DMD: variants seen among roughly 807,000 people sequenced by gnomAD.
DMD encodes dystrophin, also known as mutant dystrophin.
Under a neutral mutation model 330.1 loss-of-function variants are expected in DMD, and 63 were observed. That is an observed-to-expected ratio of 0.19 (90% CI 0.16 to 0.24). The LOEUF is 0.24. Among genes scored for constraint, DMD ranks in the 10% least tolerant of loss-of-function variants. The pLI, the probability that DMD is intolerant of heterozygous loss-of-function variation, is 1.00. For synonymous variants in DMD, 1,223 were observed against 959.8 expected (o/e 1.27, Z -5.07); for missense variants, 3,344 against 2,684.1 (o/e 1.25, Z -5.43).
At position 32,274,968 on chromosome X, in the gene DMD, A is replaced by T. The variant is rs148629530; in HGVS notation, c.6290+12561T>A. Among the ~76,000 whole-genome samples the T allele has an allele frequency of 3.3e-3, 372 of 111,909 alleles. 7 individuals carry two copies. The East Asian group carries it at 0.06, about 18-fold the overall frequency. On this transcript the variant is annotated intron_variant, in intron 43 of 78. Transcript: ENST00000357033. Reference sequence around the variant, plus strand: ...TTCCATGTAATTGGCATCAATAGTCAAATCACACAATTCATTTTGGGTTGC... The same window carrying T: ...TTCCATGTAATTGGCATCAATAGTCTAATCACACAATTCATTTTGGGTTGC...
intron 1 of DMD, among the ~76,000 whole-genome samples, chrX:33,220,757 A>G (rs1328809658): frequency 9.0e-6 from 1 of 111,296 alleles, no homozygotes; most frequent in Non-Finnish European, 1.9e-5. Context: ...CTTTGTTTAA[A>G]TTTACTTTAT....
chrX:32,875,702 C>T (rs2083322199), intron 2 of DMD, among the ~76,000 whole-genome samples: 1 of 111,493 alleles, frequency 9.0e-6, no homozygotes, highest in African/African-American at 3.3e-5. Flanking sequence ...TTTCTCAGAC[C>T]CCAAGTAAAT....
chrX:32,553,443 A>G lies in DMD; in HGVS notation c.1993-8109T>C, dbSNP rs770114566. ...GGGTAAGAGGAGGGTGAGGATTAAA[A>G]AAACTACTTATTGGGTACTATGCTT... On this transcript the variant is annotated intron_variant, in intron 16 of 78. Transcript: ENST00000357033. Among the ~76,000 whole-genome samples, 156 of 107,096 alleles carry G rather than the reference A, an allele frequency of 1.5e-3. 2 individuals are homozygous for G. Among genetic ancestry groups the G allele is most frequent in the African/African-American group, 5.2e-3 (144 of 27,632 alleles). The allele number at this position is 107,096 out of a possible 115,157, so 93.0% of individuals were successfully genotyped here.
intron 45 of DMD, among the ~76,000 whole-genome samples, chrX:31,965,117 C>T (rs2095340204): frequency 9.0e-6 from 1 of 111,351 alleles, no homozygotes; most frequent in African/African-American, 3.3e-5. Context: ...GTCAGCAATC[C>T]ATTGCTTGAA....
chrX:31,644,881 C>T (rs925312118), intron 54 of DMD, among the ~76,000 whole-genome samples: 2 of 111,754 alleles, frequency 1.8e-5, no homozygotes, highest in Non-Finnish European at 3.8e-5. Context: ...GGGGTTTACT[C>T]ACACACACCA....
chrX:32,949,387 TAGATAGAC>T (rs1397200768), intron 2 of DMD, among the ~76,000 whole-genome samples: 70 of 86,707 alleles, frequency 8.1e-4, no homozygotes, highest in Middle Eastern at 5.9e-3. Context: ...GATAGATAGA[TAGATAGAC>T]AGACAGACAG....
rs1423274422 is a variant in DMD at position 32,362,933 on chromosome X, A to G, written c.5180T>C (p.Ile1727Thr). 2.5e-6 allele frequency: 3 copies of G among 1,208,860 alleles called. No individual in the cohort carries two copies. The highest frequency in any genetic ancestry group is 3.4e-6 in the Non-Finnish European group (3 of 894,904). ...LKRLKAELND[I>T]RPKVDSTRDQ... ...ACGTGTAGAGTCCACCTTTGGGCGT[A>G]TGTCATTCAGTTCTGCCTTTAAACG... The change falls in exon 37 of 79, where the codon ATA (isoleucine) becomes ACA (threonine). Residue 1727 changes from isoleucine to threonine, a missense_variant. Coordinates refer to ENST00000357033, the MANE Select transcript of DMD (RefSeq NM_004006.3).
At chrX:32,315,573 T>G (rs1243245322) in intron 41 of DMD, among the ~76,000 whole-genome samples, 1 of 110,547 alleles carries the variant, frequency 9.0e-6, no homozygotes, top group Non-Finnish European at 1.9e-5. Flanking sequence ...TAGATTCACT[T>G]AGAAAATAAT....
intron 16 of DMD, among the ~76,000 whole-genome samples, chrX:32,556,441 T>C (rs1418063446): frequency 9.0e-6 from 1 of 111,485 alleles, no homozygotes; most frequent in Non-Finnish European, 1.9e-5. Flanking sequence ...AAAAACCATT[T>C]AAGCCAGCAA....
chrX:32,926,812 T>C (rs766258195), intron 2 of DMD, among the ~76,000 whole-genome samples: 8 of 109,177 alleles, frequency 7.3e-5, no homozygotes, highest in Non-Finnish European at 1.5e-4. Context: ...GTAATAAATA[T>C]GTTAATTAGC....
At chrX:32,695,515 G>GA (rs748305145) in intron 9 of DMD, among the ~76,000 whole-genome samples, 6 of 110,866 alleles carry the variant, frequency 5.4e-5, no homozygotes, top group African/African-American at 2.0e-4. Context: ...AAAATTAAGC[G>GA]AAAAAAATTG....
intron 44 of DMD, among the ~76,000 whole-genome samples, chrX:32,080,518 T>C (rs1438174338): frequency 1.8e-5 from 2 of 112,451 alleles, no homozygotes; most frequent in African/African-American, 6.5e-5. Context: ...AAGTGCAAGC[T>C]TTTTTTCCCC....
intron 55 of DMD, among the ~76,000 whole-genome samples, chrX:31,614,958 C>G (rs2078118201): frequency 8.9e-6 from 1 of 111,925 alleles, no homozygotes; most frequent in Non-Finnish European, 1.9e-5. Context: ...TGTAGTTCAT[C>G]TTAAAAATAA....
At chrX:32,042,126 TATACATATATAC>T (rs758653847) in intron 44 of DMD, among the ~76,000 whole-genome samples, 78 of 74,471 alleles carry the variant, frequency 1.0e-3, no homozygotes, top group Middle Eastern at 6.2e-3. Flanking sequence ...CACACATATG[TATACATATATAC>T]ATACATATAT....
intron 1 of DMD, among the ~76,000 whole-genome samples, chrX:33,335,384 T>G (rs1272314826): frequency 1.8e-5 from 2 of 110,703 alleles, no homozygotes; most frequent in African/African-American, 6.6e-5. Context: ...TTCATTGTAT[T>G]TTGATGTCAT....
chrX:32,723,378 A>T (rs1330001664), intron 7 of DMD, among the ~76,000 whole-genome samples: 1 of 110,926 alleles, frequency 9.0e-6, no homozygotes, highest in Non-Finnish European at 1.9e-5. Context: ...GCATATATAT[A>T]TTTTCTTCTC....
intron 42 of DMD, among the ~76,000 whole-genome samples, chrX:32,300,490 A>C (rs1048783430): frequency 1.9e-4 from 21 of 111,496 alleles, no homozygotes; most frequent in African/African-American, 5.8e-4. Flanking sequence ...AACAAAAAAA[A>C]CCCTGCACTT....
At chrX:32,053,681 A>C (rs1038798838) in intron 44 of DMD, among the ~76,000 whole-genome samples, 4 of 111,415 alleles carry the variant, frequency 3.6e-5, no homozygotes, top group Non-Finnish European at 7.5e-5. Context: ...TCCATGTTCT[A>C]AATGTCTTCA....
At chrX:33,311,499 G>A (rs977786520) in intron 1 of DMD, among the ~76,000 whole-genome samples, 5 of 110,655 alleles carry the variant, frequency 4.5e-5, no homozygotes, top group African/African-American at 9.8e-5. Context: ...ATAATATGGT[G>A]AAATAGCAAA....
Sources: gnomAD v4.1 joint callset for allele counts (sites outside exome capture counted in the v4.1 genomes callset) on GRCh38, gnomAD v4.1.1 for gene constraint, MANE v1.5 for transcripts, NCBI Gene and HGNC (gene_info 2026-07-23, HGNC 2026-07-21) for gene names.